The following POLR3E variants were observed in gnomAD, a reference collection of about 807,000 sequenced individuals.
POLR3E encodes the protein DNA-directed RNA polymerase III subunit RPC5.
In POLR3E, 41 loss-of-function variants were observed where a neutral mutation model predicts 96.6. That is an observed-to-expected ratio of 0.42 (90% confidence interval 0.33 to 0.55). The LOEUF is 0.55. Among genes scored for constraint, POLR3E ranks in the 20% least tolerant of loss-of-function variants. The probability of loss-of-function intolerance (pLI) is 0.06; values close to 1 mark genes in which losing one functional copy is unlikely to be tolerated. For synonymous variants in POLR3E, 396 were observed against 383.6 expected (o/e 1.03, Z -0.38); for missense variants, 849 against 952.1 (o/e 0.89, Z 1.43).
At chr16:22,327,306 G>T (rs1218125495) in intron 18 of POLR3E, 1 of 152,362 alleles carries the variant, frequency 6.6e-6, no homozygotes, top group Non-Finnish European at 1.5e-5. Flanking sequence ...CCTGCTGGCA[G>T]GCAGCCCCCT....
chr16:22,313,585 C>G lies in POLR3E; in HGVS notation c.365-35C>G, dbSNP rs1308692719. The G allele has an allele frequency of 1.4e-6, 2 of 1,472,608 alleles. No homozygotes were observed. The highest frequency in any genetic ancestry group is 1.7e-5 in the Admixed American group (1 of 59,528). 91.2% of individuals were successfully genotyped at this position (1,472,608 alleles called of 1,614,324 possible). A position where few individuals can be genotyped will look rare whatever the true frequency, so the allele number is the denominator to read the frequency against. ...CTCTTGAGCCAAACTGGGTGGGTTT[C>G]TAGAGTTGAGTCCAAGCCCTTCTTC... On this transcript the variant is annotated intron_variant, in intron 6 of 20. Transcript: ENST00000299853. This position sits in a 1 kb window ranked among gnomAD's most constrained non-coding sequence, Gnocchi z 4.1.
chr16:22,304,944 G>C (rs892016426), intron 2 of POLR3E, among the ~76,000 whole-genome samples: 1 of 152,144 alleles, frequency 6.6e-6, no homozygotes, highest in Non-Finnish European at 1.5e-5. Context: ...TCTTGCCCTG[G>C]TTCCCCTGGG....
At position 22,322,379 on chromosome 16, in the gene POLR3E, G is replaced by A. The variant is rs1020953829; in HGVS notation, c.987-471G>A. Among the ~76,000 whole-genome samples the A allele has an allele frequency of 6.6e-6, 1 of 152,110 alleles. No homozygotes were observed. The highest frequency in any genetic ancestry group is 1.5e-5 in the Non-Finnish European group (1 of 68,006). Reference sequence around the variant, plus strand: ...CTTGAGTGCTGAGCCTGTTCTCTCCGAGGGCTAACATGCCTCCCCTGCCTC... The same window carrying A: ...CTTGAGTGCTGAGCCTGTTCTCTCCAAGGGCTAACATGCCTCCCCTGCCTC... On this transcript the variant is annotated intron_variant, in intron 13 of 20. Coordinates refer to ENST00000299853, the MANE Select transcript of POLR3E (RefSeq NM_018119.4). The surrounding 1 kb of genome is among the most constrained non-coding windows in gnomAD (Gnocchi z 5.2).
chr16:22,300,503 G>T (rs2141720314), intron 1 of POLR3E, among the ~76,000 whole-genome samples: 1 of 152,356 alleles, frequency 6.6e-6, no homozygotes. Flanking sequence ...AGCCAAGAAA[G>T]AACAATTGCG....
At chr16:22,305,536 C>T (rs1205615900) in intron 3 of POLR3E, 5 of 545,156 alleles carry the variant, frequency 9.2e-6, no homozygotes, top group Non-Finnish European at 1.8e-5. Flanking sequence ...TCCTCACTTG[C>T]AAAGTGGTGA....
chr16:22,316,594 C>T lies in POLR3E; in HGVS notation c.643-7C>T, dbSNP rs748286107. On this transcript the variant is annotated splice_polypyrimidine_tract_variant and splice_region_variant and intron_variant, in intron 9 of 20. Transcript: ENST00000299853. Reference sequence around the variant, plus strand: ...GGCTCCTCTCACACCCTGCCCTCCTCCAACAGGACAGTCGCTCTGAGCATG... The same window carrying T: ...GGCTCCTCTCACACCCTGCCCTCCTTCAACAGGACAGTCGCTCTGAGCATG... 1.2e-6 allele frequency: 2 copies of T among 1,612,504 alleles called. No individual in the cohort carries two copies. Among genetic ancestry groups the T allele is most frequent in the Non-Finnish European group, 8.5e-7 (1 of 1,178,674 alleles).
intron 9 of POLR3E, 77 bp from the exon 10 acceptor site, chr16:22,316,524 C>A: frequency 1.8e-6 from 2 of 1,101,994 alleles, no homozygotes; most frequent in South Asian, 1.3e-5. Context: ...GAGTGGAAGA[C>A]GGGAGGCCTT....
At chr16:22,316,131 G>A (rs1282482461) in intron 9 of POLR3E, among the ~76,000 whole-genome samples, 2 of 152,162 alleles carry the variant, frequency 1.3e-5, no homozygotes, top group African/African-American at 4.8e-5. Flanking sequence ...CAGACCCTTA[G>A]ACTCGGGGTC....
At position 22,325,975 on chromosome 16, in the gene POLR3E, T is replaced by C. The variant is rs1487380083; in HGVS notation, c.1563T>C (p.Thr521=). ...AGGCGGAGGAGGAGCCCATGGACAC[T>C]TCCCCCAGCGGCCTCCACAGCAAGC... ...EQEAEEEPMD[T]SPSGLHSKLA... is the part of the protein sequence containing the mutation. Residue 521 remains threonine (T), a synonymous_variant, in exon 18 of 21, where the codon ACT becomes ACC. Coordinates refer to ENST00000299853, the MANE Select transcript of POLR3E (RefSeq NM_018119.4). 1 of 1,592,092 alleles carries C rather than the reference T, an allele frequency of 6.3e-7. No homozygotes were observed. Among genetic ancestry groups the C allele is most frequent in the African/African-American group, 1.3e-5 (1 of 74,446 alleles).
At chr16:22,302,217 C>T (rs954860203) in intron 1 of POLR3E, among the ~76,000 whole-genome samples, 1 of 152,156 alleles carries the variant, frequency 6.6e-6, no homozygotes, top group Non-Finnish European at 1.5e-5. Flanking sequence ...CGCCTCTCAA[C>T]TCCCCTACCT....
chr16:22,330,789 C>T (rs1330911900), intron 19 of POLR3E, among the ~76,000 whole-genome samples: 2 of 150,956 alleles, frequency 1.3e-5, no homozygotes, highest in African/African-American at 4.9e-5. Context: ...CTTCATGTAG[C>T]AGTCAGCTGT....
rs745812481 is a variant in POLR3E, at chr16:22,315,222, C to T, written c.642+14C>T. On this transcript the variant is annotated intron_variant, in intron 9 of 20. Coordinates refer to ENST00000299853, the MANE Select transcript of POLR3E (RefSeq NM_018119.4). ...TATGGCCTGAGGGTGAGCGGGGCTT[C>T]GTGGGGTCCTGGGGGAAACACCTCG... 2.5e-5 allele frequency: 40 copies of T among 1,573,406 alleles called. No homozygotes were observed. Among genetic ancestry groups the T allele is most frequent in the Non-Finnish European group, 3.0e-5 (35 of 1,158,914 alleles).
At chr16:22,302,665 T>C in intron 1 of POLR3E, 2 of 426,604 alleles carry the variant, frequency 4.7e-6, no homozygotes, top group Non-Finnish European at 8.5e-6. Flanking sequence ...GCCAGTCATT[T>C]GCCTTTCCCC....
Position 22,317,053 on chromosome 16 carries a change from G to T in POLR3E, c.773+14G>T, listed in dbSNP as rs2926360. 120 of 1,613,992 alleles carry T rather than the reference G, an allele frequency of 7.4e-5. No homozygotes were observed. In the Admixed American group the frequency reaches 1.0e-3, roughly 14 times the overall value. On this transcript the variant is annotated intron_variant, in intron 11 of 20. Coordinates refer to ENST00000299853, the MANE Select transcript of POLR3E (RefSeq NM_018119.4). ...GGAGGAGGAGAAGTGAGTAGAGGCG[G>T]CAGGACACCCTCTCCCTTTCCGGGC...
intron 1 of POLR3E, chr16:22,298,886 T>C (rs1353609921): frequency 1.6e-5 from 7 of 441,422 alleles, no homozygotes; most frequent in Non-Finnish European, 2.3e-5. Context: ...CACTGGATTT[T>C]TTTTTTAAAG....
rs890183499 is a variant in POLR3E, at chr16:22,308,487, G to T, written c.165+262G>T. ...TTCCCAGGATAAGACGAGGGCGGGC[G>T]GGTGAACATGGAGTAGGTTTGATGG... On this transcript the variant is annotated intron_variant, in intron 4 of 20. Coordinates refer to ENST00000299853, the MANE Select transcript of POLR3E (RefSeq NM_018119.4). 43 of 520,070 alleles carry T rather than the reference G, an allele frequency of 8.3e-5. 1 individual carries two copies. In the East Asian group the frequency reaches 9.1e-4, roughly 11 times the overall value. 32.2% of individuals were successfully genotyped at this position (520,070 alleles called of 1,614,324 possible).
chr16:22,312,189 A>G (rs963795997), intron 6 of POLR3E, among the ~76,000 whole-genome samples: 4 of 152,116 alleles, frequency 2.6e-5, no homozygotes, highest in Non-Finnish European at 4.4e-5. Flanking sequence ...AGCTTTGTGA[A>G]TACGTTAAAA....
Position 22,313,868 on chromosome 16 carries a change from C to T in POLR3E, c.472+141C>T. 1 of 702,708 alleles carries T rather than the reference C, an allele frequency of 1.4e-6. No individual in the cohort carries two copies. Among genetic ancestry groups the T allele is most frequent in the South Asian group, 1.7e-5 (1 of 58,300 alleles). The allele number at this position is 702,708 out of a possible 1,614,324, so 43.5% of individuals were successfully genotyped here. On this transcript the variant is annotated intron_variant, in intron 7 of 20. Coordinates refer to ENST00000299853, the MANE Select transcript of POLR3E (RefSeq NM_018119.4). This position sits in a 1 kb window ranked among gnomAD's most constrained non-coding sequence, Gnocchi z 4.1. ...TACTAGATGCCAGAAGCACCCACCC[C>T]ACAGTCGTGACAATCAAAAAGGTCA...
rs892466099 is a variant in POLR3E at position 22,315,068 on chromosome 16, C to T, written c.523-21C>T. On this transcript the variant is annotated intron_variant, in intron 8 of 20. Coordinates refer to ENST00000299853, the MANE Select transcript of POLR3E (RefSeq NM_018119.4). ...AGGGTCACAGGCCTGACGGTATGAC[C>T]TCTTCCCCTTCCCACCGCAGGTGCG... The T allele has an allele frequency of 1.9e-6, 3 of 1,611,726 alleles. No homozygotes were observed. In the African/African-American group the frequency reaches 4.0e-5, roughly 22 times the overall value.
Sources: gnomAD v4.1 joint callset for allele counts (sites outside exome capture counted in the v4.1 genomes callset) on GRCh38, gnomAD v4.1.1 for gene constraint, Gnocchi (gnomAD v3.1) non-coding constraint, MANE v1.5 for transcripts, NCBI Gene and HGNC (gene_info 2026-07-23, HGNC 2026-07-21) for gene names.